Variants in CDH4 observed in about 807,000 individuals in gnomAD.
CDH4 encodes cadherin 4, also known as cadherin-4.
Under a neutral mutation model 86.0 loss-of-function variants are expected in CDH4, and 33 were observed. The observed-to-expected ratio is 0.38, with a 90% CI of 0.29 to 0.51. The LOEUF (loss-of-function observed/expected upper bound fraction) is 0.51, where lower values mean the gene tolerates loss of function less well. Among genes scored for constraint, CDH4 ranks in the 20% least tolerant of loss-of-function variants. The pLI, the probability that CDH4 is intolerant of heterozygous loss-of-function variation, is 0.86. For synonymous variants in CDH4, 555 were observed against 549.4 expected (o/e 1.01, Z -0.14); for missense variants, 1,114 against 1,307.4 (o/e 0.85, Z 2.28).
At position 61,905,425 on chromosome 20, in the gene CDH4, C is replaced by T. The variant is rs546647709; in HGVS notation, c.1189-4997C>T. Among the ~76,000 whole-genome samples the T allele has an allele frequency of 2.0e-5, 3 of 152,280 alleles. 1 individual carries two copies. The South Asian group carries it at 6.2e-4, about 32-fold the overall frequency. On this transcript the variant is annotated intron_variant, in intron 8 of 15. Transcript: ENST00000614565. ...GTGAGTGGAGAAGCGTCAGACAGGC[C>T]CTCGCTAAAACAGCAGACAACACCA...
chr20:61,318,344 G>A (rs918672824), intron 2 of CDH4, among the ~76,000 whole-genome samples: 14 of 152,192 alleles, frequency 9.2e-5, no homozygotes, highest in East Asian at 1.9e-4. Flanking sequence ...GAGTGCCAGC[G>A]GATGCAGCCT....
intron 2 of CDH4, among the ~76,000 whole-genome samples, chr20:61,479,391 C>T (rs2427125): frequency 0.38 from 57,000 of 150,896 alleles, 11,745 homozygotes; most frequent in Admixed American, 0.5. Context: ...GTGATATTCC[C>T]CTTCCTGTGT....
chr20:61,835,791 C>T (rs73143132), intron 4 of CDH4, among the ~76,000 whole-genome samples: 5,001 of 152,296 alleles, frequency 0.033, 129 homozygotes, highest in Non-Finnish European at 0.052. Context: ...TCCAGGTGGG[C>T]CTCTCTGTGG....
intron 2 of CDH4, among the ~76,000 whole-genome samples, chr20:61,488,021 A>G (rs1435501445): frequency 2.0e-5 from 3 of 152,214 alleles, no homozygotes; most frequent in South Asian, 2.1e-4. Context: ...AGTTCAATCG[A>G]TGATTCTGTG....
intron 4 of CDH4, among the ~76,000 whole-genome samples, chr20:61,774,732 G>A (rs1349993113): frequency 2.0e-5 from 3 of 152,046 alleles, no homozygotes; most frequent in Admixed American, 2.0e-4. Context: ...GTGTCCATGT[G>A]TTCTCATCAT....
At chr20:61,315,957 C>T (rs1354312883) in intron 2 of CDH4, among the ~76,000 whole-genome samples, 1 of 152,138 alleles carries the variant, frequency 6.6e-6, no homozygotes. Context: ...AGTGATCTGC[C>T]CCTGGGTGGA....
At chr20:61,852,328 A>G (rs1270188577) in intron 5 of CDH4, among the ~76,000 whole-genome samples, 1 of 152,204 alleles carries the variant, frequency 6.6e-6, no homozygotes, top group Admixed American at 6.5e-5. Context: ...TTACAGTGGC[A>G]GGAGTTAAGC....
At chr20:61,830,571 C>A (rs1399740287) in intron 4 of CDH4, among the ~76,000 whole-genome samples, 1 of 152,182 alleles carries the variant, frequency 6.6e-6, no homozygotes, top group African/African-American at 2.4e-5. Flanking sequence ...AGATCTGCAG[C>A]GGCCCCGCCT....
At chr20:61,428,760 A>G (rs112801165) in intron 2 of CDH4, among the ~76,000 whole-genome samples, 4,341 of 152,310 alleles carry the variant, frequency 0.029, 97 homozygotes, top group Non-Finnish European at 0.044. Context: ...CTGGCCATGC[A>G]TCATGATTTT....
At position 61,499,563 on chromosome 20, in the gene CDH4, G is replaced by T. The variant is rs916243295; in HGVS notation, c.170-244000G>T. The T allele has an allele frequency of 3.2e-6, 4 of 1,249,752 alleles. No individual in the cohort carries two copies. In the Admixed American group the frequency reaches 9.3e-5, roughly 29 times the overall value. The allele number at this position is 1,249,752 out of a possible 1,614,324, so 77.4% of individuals were successfully genotyped here. A position where few individuals can be genotyped will look rare whatever the true frequency, so the allele number is the denominator to read the frequency against. ...CTTCTTTATCTAACTGGGCCCTGATGCTTCAGACAGTGTCCCTGAGGTCAC... is the reference window on the plus strand; with the variant it reads ...CTTCTTTATCTAACTGGGCCCTGATTCTTCAGACAGTGTCCCTGAGGTCAC... On this transcript the variant is annotated intron_variant, in intron 2 of 15. Transcript: ENST00000614565.
intron 2 of CDH4, among the ~76,000 whole-genome samples, chr20:61,645,941 A>G (rs1461584451): frequency 1.3e-5 from 2 of 152,110 alleles, no homozygotes; most frequent in African/African-American, 2.4e-5. Flanking sequence ...AGGGTGGTGG[A>G]TAAGAGGGCA....
intron 2 of CDH4, among the ~76,000 whole-genome samples, chr20:61,568,740 G>A (rs2086319698): frequency 6.6e-6 from 1 of 152,122 alleles, no homozygotes; most frequent in Non-Finnish European, 1.5e-5. Context: ...CCTTTTAATG[G>A]GGCTCTCCTG....
At chr20:61,652,459 T>C (rs1356973158) in intron 2 of CDH4, among the ~76,000 whole-genome samples, 1 of 152,240 alleles carries the variant, frequency 6.6e-6, no homozygotes, top group Non-Finnish European at 1.5e-5. Flanking sequence ...CTGTCGTCTA[T>C]TTAAGCGTCC....
chr20:61,452,429 TA>T (rs1278461594), intron 2 of CDH4, among the ~76,000 whole-genome samples: 1 of 152,158 alleles, frequency 6.6e-6, no homozygotes, highest in Non-Finnish European at 1.5e-5. Flanking sequence ...GGAATTTATA[TA>T]AAAGCGTTCA....
At chr20:61,742,930 G>A (rs558214403) in intron 2 of CDH4, among the ~76,000 whole-genome samples, 2 of 152,288 alleles carry the variant, frequency 1.3e-5, no homozygotes, top group East Asian at 3.9e-4. Flanking sequence ...AAAGCACTTG[G>A]TGGGGCCAGG....
intron 2 of CDH4, among the ~76,000 whole-genome samples, chr20:61,549,670 G>A (rs1441120206): frequency 1.3e-5 from 2 of 152,206 alleles, no homozygotes; most frequent in East Asian, 3.9e-4. Flanking sequence ...ACTAAACAGC[G>A]AAGCCTCCGG....
chr20:61,583,569 G>A (rs1251215978), intron 2 of CDH4, among the ~76,000 whole-genome samples: 1 of 152,164 alleles, frequency 6.6e-6, no homozygotes, highest in East Asian at 1.9e-4. Context: ...ACAAGGCTGG[G>A]GTGAGGGGTT....
chr20:61,828,212 A>G (rs147081528), intron 4 of CDH4, among the ~76,000 whole-genome samples: 12 of 152,300 alleles, frequency 7.9e-5, no homozygotes, highest in Non-Finnish European at 1.3e-4. Flanking sequence ...AATAAAAGAG[A>G]GACAGTGGCA....
chr20:61,791,568 C>T (rs1241643699), intron 4 of CDH4, among the ~76,000 whole-genome samples: 2 of 152,218 alleles, frequency 1.3e-5, no homozygotes, highest in African/African-American at 2.4e-5. Flanking sequence ...AAGCACTATA[C>T]ATTGCTGGTG....
Sources: allele counts gnomAD v4.1 joint callset (sites outside exome capture counted in the v4.1 genomes callset), GRCh38; gene constraint gnomAD v4.1.1; transcripts MANE v1.5; gene names NCBI Gene and HGNC (gene_info 2026-07-23, HGNC 2026-07-21).